DTNBP1: variants seen among roughly 807,000 people sequenced by gnomAD.
DTNBP1 encodes the protein dysbindin.
In DTNBP1, 35 loss-of-function variants were observed where a neutral mutation model predicts 42.8. The ratio of observed to expected loss-of-function variants is 0.82; its 90% CI spans 0.63 to 1.09. The LOEUF is 1.09. Ranked by LOEUF, DTNBP1 falls within the 50% of genes least tolerant of loss-of-function variation. The pLI, the probability that DTNBP1 is intolerant of heterozygous loss-of-function variation, is 0.00. For synonymous variants in DTNBP1, 171 were observed against 162.2 expected (o/e 1.05, Z -0.41); for missense variants, 457 against 424.2 (o/e 1.08, Z -0.68).
intron 7 of DTNBP1, among the ~76,000 whole-genome samples, chr6:15,562,842 A>C (rs1774906562): frequency 6.6e-6 from 1 of 152,178 alleles, no homozygotes; most frequent in Non-Finnish European, 1.5e-5. Context: ...ATCGTTTCTC[A>C]CTAACTGGCC....
intron 8 of DTNBP1, among the ~76,000 whole-genome samples, chr6:15,529,904 C>T (rs1053307392): frequency 1.3e-5 from 2 of 152,258 alleles, no homozygotes; most frequent in African/African-American, 4.8e-5. Context: ...GGGCCCAGGC[C>T]CCCTCTGCTG....
At chr6:15,627,846 A>G (rs1185918547) in intron 4 of DTNBP1, among the ~76,000 whole-genome samples, 1 of 152,080 alleles carries the variant, frequency 6.6e-6, no homozygotes, top group Non-Finnish European at 1.5e-5. Context: ...GAAAACAAAC[A>G]TAAAACATAA....
intron 7 of DTNBP1, among the ~76,000 whole-genome samples, chr6:15,535,005 C>T (rs1207595851): frequency 2.0e-5 from 3 of 152,180 alleles, no homozygotes; most frequent in African/African-American, 7.2e-5. Flanking sequence ...TTTAACTTTT[C>T]CTCAAGGCAC....
In DTNBP1 at chr6:15,533,292, C is replaced by T; in HGVS notation, c.615G>A (p.Gln205=). ...RQKFFEEAFQ[Q]DMEQYLSTGY... ...CAGTGGACAGGTACTGCTCCATGTCCTGCTGGAAGGCTTCCTCAAAAAACT... is the reference window on the plus strand; with the variant it reads ...CAGTGGACAGGTACTGCTCCATGTCTTGCTGGAAGGCTTCCTCAAAAAACT... The change falls in exon 8 of 10, where the codon CAG becomes CAA. Residue 205 remains glutamine, a synonymous_variant. Coordinates refer to ENST00000344537, the MANE Select transcript of DTNBP1 (RefSeq NM_032122.5). 3.7e-6 allele frequency: 6 copies of T among 1,614,206 alleles called. No homozygotes were observed. Among genetic ancestry groups the T allele is most frequent in the African/African-American group, 1.3e-5 (1 of 75,064 alleles).
chr6:15,524,384 G>C, intron 9 of DTNBP1, 142 bp downstream of exon 9: 3 of 1,613,998 alleles, frequency 1.9e-6, no homozygotes, highest in Non-Finnish European at 1.7e-6. Context: ...GTGTGGAACC[G>C]TGGGGTTAGG....
rs986769019 is a variant in DTNBP1, at chr6:15,587,251, C to T, written c.511+5808G>A. Among the ~76,000 whole-genome samples, 1 of 152,098 alleles carries T rather than the reference C, an allele frequency of 6.6e-6. No individual in the cohort carries two copies. The highest frequency in any genetic ancestry group is 2.4e-5 in the African/African-American group (1 of 41,428). On this transcript the variant is annotated intron_variant, in intron 7 of 9. Transcript: ENST00000344537. This position sits in a 1 kb window ranked among gnomAD's most constrained non-coding sequence, Gnocchi z 4.1. ...AACTGCTTAGAAAAACTGAAGATGGCTTAAACAAACATGGATACATTCCAT... is the reference window on the plus strand; with the variant it reads ...AACTGCTTAGAAAAACTGAAGATGGTTTAAACAAACATGGATACATTCCAT...
intron 7 of DTNBP1, among the ~76,000 whole-genome samples, chr6:15,572,837 TCCTCCCACCTCAG>T (rs1775396742): frequency 6.6e-6 from 1 of 152,088 alleles, no homozygotes. Flanking sequence ...ACGTAAGTGA[TCCTCCCACCTCAG>T]CCTCTGGAGG....
At chr6:15,530,599 C>T (rs1029724542) in intron 8 of DTNBP1, among the ~76,000 whole-genome samples, 1 of 152,076 alleles carries the variant, frequency 6.6e-6, no homozygotes, top group Non-Finnish European at 1.5e-5. Context: ...TCCCTGTCAC[C>T]AGGGGCTGGC....
At chr6:15,610,663 G>A (rs1758339034) in intron 6 of DTNBP1, among the ~76,000 whole-genome samples, 1 of 152,130 alleles carries the variant, frequency 6.6e-6, no homozygotes, top group Non-Finnish European at 1.5e-5. Context: ...ACACATGAAC[G>A]ATAAGAAAAC....
chr6:15,577,844 G>A (rs897314763), intron 7 of DTNBP1, among the ~76,000 whole-genome samples: 3 of 152,196 alleles, frequency 2.0e-5, no homozygotes, highest in Non-Finnish European at 4.4e-5. Flanking sequence ...CAACATCTCC[G>A]GTGGGAAGGT....
rs770283266 is a variant in DTNBP1 at position 15,637,788 on chromosome 6, C to T, written c.178G>A (p.Ala60Thr). Residue 60 changes from alanine to threonine, a missense_variant, in exon 4 of 10, where the codon GCT becomes ACT. By Grantham distance (58) the Ala-to-Thr change is moderately conservative (BLOSUM62 0). Coordinates refer to ENST00000344537, the MANE Select transcript of DTNBP1 (RefSeq NM_032122.5). ...ELLSRYEDTWAALHRRAKDCA... is the reference protein window; with the variant it reads ...ELLSRYEDTWTALHRRAKDCA... ...TCTTTGGCTCTTCTGTGAAGTGCAGCCCATGTATCCTCATACCTAAAAAAA... is the reference window on the plus strand; with the variant it reads ...TCTTTGGCTCTTCTGTGAAGTGCAGTCCATGTATCCTCATACCTAAAAAAA... 2 of 1,613,464 alleles carry T rather than the reference C, an allele frequency of 1.2e-6. No individual in the cohort carries two copies. The highest frequency in any genetic ancestry group is 1.7e-5 in the Admixed American group (1 of 60,026).
At chr6:15,526,965 A>G (rs56272524) in intron 8 of DTNBP1, among the ~76,000 whole-genome samples, 1,900 of 152,364 alleles carry the variant, frequency 0.012, 16 homozygotes, top group Non-Finnish European at 0.019. Flanking sequence ...CAACTAAACT[A>G]AAATAAAATC....
At chr6:15,661,387 C>T (rs1761614685) in intron 1 of DTNBP1, among the ~76,000 whole-genome samples, 1 of 151,410 alleles carries the variant, frequency 6.6e-6, no homozygotes, top group Non-Finnish European at 1.5e-5. Flanking sequence ...GGGCCGGGAA[C>T]GGTGGCACAC....
chr6:15,601,864 G>GAAAAAA (rs398000604), intron 6 of DTNBP1, among the ~76,000 whole-genome samples: 1 of 127,736 alleles, frequency 7.8e-6, no homozygotes. Context: ...AAAAGAAAAA[G>GAAAAAA]AAAAAAAAAA....
intron 6 of DTNBP1, among the ~76,000 whole-genome samples, chr6:15,613,905 A>G (rs1189581006): frequency 6.6e-6 from 1 of 152,154 alleles, no homozygotes; most frequent in Non-Finnish European, 1.5e-5. Flanking sequence ...TATCAGAATT[A>G]CCTAGAATGC....
intron 7 of DTNBP1, among the ~76,000 whole-genome samples, chr6:15,560,887 T>G (rs979835912): frequency 6.6e-6 from 1 of 152,202 alleles, no homozygotes; most frequent in African/African-American, 2.4e-5. Flanking sequence ...GAAAGTTCCA[T>G]CAAAGCCAAC....
intron 7 of DTNBP1, among the ~76,000 whole-genome samples, chr6:15,573,583 A>C (rs1462448630): frequency 6.6e-6 from 1 of 152,150 alleles, no homozygotes; most frequent in African/African-American, 2.4e-5. Context: ...GGGAGGCTGA[A>C]GCAAGTGGAT....
chr6:15,574,168 G>A (rs1428530677), intron 7 of DTNBP1, among the ~76,000 whole-genome samples: 1 of 152,138 alleles, frequency 6.6e-6, no homozygotes, highest in Non-Finnish European at 1.5e-5. Flanking sequence ...GAGTTACAAG[G>A]AGAAAATGCA....
At chr6:15,566,533 CTT>C (rs1268698417) in intron 7 of DTNBP1, among the ~76,000 whole-genome samples, 6 of 152,102 alleles carry the variant, frequency 3.9e-5, no homozygotes, top group Non-Finnish European at 8.8e-5. Flanking sequence ...AGAACAAACT[CTT>C]TGCAGCAATA....
Sources: allele counts gnomAD v4.1 joint callset (sites outside exome capture counted in the v4.1 genomes callset), GRCh38; gene constraint gnomAD v4.1.1; non-coding constraint Gnocchi (gnomAD v3.1); transcripts MANE v1.5; gene names NCBI Gene and HGNC (gene_info 2026-07-23, HGNC 2026-07-21).